The following EXOC4 variants were observed in gnomAD, a reference collection of about 807,000 sequenced individuals.
The protein encoded by EXOC4 is exocyst complex component 4.
A neutral mutation model predicts 107.2 loss-of-function variants in EXOC4; 71 were observed. The ratio of observed to expected loss-of-function variants is 0.66; its 90% confidence interval spans 0.55 to 0.81. The LOEUF (loss-of-function observed/expected upper bound fraction) is 0.81, where lower values mean the gene tolerates loss of function less well. Ranked by LOEUF, EXOC4 falls within the 30% of genes least tolerant of loss-of-function variation. EXOC4 has a pLI of 0.00. For synonymous variants in EXOC4, 456 were observed against 441.2 expected, an observed-to-expected ratio of 1.03 and a Z score of -0.42; for missense variants, 1,108 against 1,189.6, an observed-to-expected ratio of 0.93 and a Z score of 1.01.
chr7:133,492,744 C>A (rs1243940038), intron 9 of EXOC4, among the ~76,000 whole-genome samples: 2 of 151,808 alleles, frequency 1.3e-5, no homozygotes, highest in Admixed American at 1.3e-4. Context: ...CTTGATGTAC[C>A]CTGTATTTTT....
intron 11 of EXOC4, among the ~76,000 whole-genome samples, chr7:133,829,994 C>A (rs1217094312): frequency 1.3e-5 from 2 of 151,766 alleles, no homozygotes; most frequent in African/African-American, 4.8e-5. Flanking sequence ...CCTTTTTTCC[C>A]CTTTATAGTT....
chr7:133,397,298 T>TC (rs1225225528), intron 7 of EXOC4, among the ~76,000 whole-genome samples: 1 of 150,576 alleles, frequency 6.6e-6, no homozygotes, highest in African/African-American at 2.4e-5. Flanking sequence ...CAAATTTTTT[T>TC]TTTTTTTGTA....
At chr7:133,258,766 C>T (rs925357376) in intron 1 of EXOC4, among the ~76,000 whole-genome samples, 4 of 152,014 alleles carry the variant, frequency 2.6e-5, no homozygotes, top group African/African-American at 9.7e-5. Flanking sequence ...TCTTTGTAAC[C>T]AGGAAATCTT....
chr7:134,048,663 C>T (rs1795712266), intron 17 of EXOC4, among the ~76,000 whole-genome samples: 1 of 152,280 alleles, frequency 6.6e-6, no homozygotes, highest in South Asian at 2.1e-4. Flanking sequence ...CAGCCACCGG[C>T]CTCATCTCAG....
chr7:134,024,463 G>T (rs988927364), intron 17 of EXOC4, among the ~76,000 whole-genome samples: 4 of 146,252 alleles, frequency 2.7e-5, no homozygotes, highest in South Asian at 2.2e-4. Flanking sequence ...AAAAAAAAAA[G>T]AAGCTAGTAT....
intron 10 of EXOC4, among the ~76,000 whole-genome samples, chr7:133,804,017 G>A (rs1445022212): frequency 3.9e-5 from 6 of 152,014 alleles, no homozygotes; most frequent in Non-Finnish European, 8.8e-5. Context: ...TTGTTATGTC[G>A]AAATCCTGAT....
intron 9 of EXOC4, among the ~76,000 whole-genome samples, chr7:133,629,624 T>C (rs1303603923): frequency 6.6e-6 from 1 of 152,072 alleles, no homozygotes; most frequent in Non-Finnish European, 1.5e-5. Context: ...CACTGCAGCC[T>C]GCACCTCCCA....
intron 12 of EXOC4, among the ~76,000 whole-genome samples, chr7:133,900,226 T>C (rs1223131719): frequency 6.6e-6 from 1 of 152,102 alleles, no homozygotes; most frequent in Non-Finnish European, 1.5e-5. Flanking sequence ...TGGTGAAGAA[T>C]AGAAAGGGAA....
chr7:133,509,627 C>G (rs190480858), intron 9 of EXOC4, among the ~76,000 whole-genome samples: 5 of 152,228 alleles, frequency 3.3e-5, no homozygotes, highest in South Asian at 2.1e-4. Context: ...CAGGAAGGAG[C>G]CTTGATGCCA....
chr7:133,425,295 T>C (rs1214093921), intron 7 of EXOC4, among the ~76,000 whole-genome samples: 5 of 152,144 alleles, frequency 3.3e-5, no homozygotes, highest in African/African-American at 4.8e-5. Context: ...ACTTTTTTTG[T>C]TCGTTTGTTT....
intron 9 of EXOC4, among the ~76,000 whole-genome samples, chr7:133,502,993 A>G (rs1386931914): frequency 3.9e-5 from 6 of 152,178 alleles, no homozygotes; most frequent in African/African-American, 1.4e-4. Flanking sequence ...ATTTGCATGT[A>G]TGATGAATTG....
At chr7:133,511,296 A>G (rs1799764001) in intron 9 of EXOC4, among the ~76,000 whole-genome samples, 1 of 152,210 alleles carries the variant, frequency 6.6e-6, no homozygotes, top group Admixed American at 6.5e-5. Context: ...AACAAAGGGT[A>G]CTAAATTGTT....
chr7:133,605,855 G>T (rs762746463), intron 9 of EXOC4, among the ~76,000 whole-genome samples: 68 of 152,122 alleles, frequency 4.5e-4, no homozygotes, highest in Non-Finnish European at 7.5e-4. Context: ...GGAGGTTCGG[G>T]AGTTGAGCCT....
chr7:133,789,778 A>G (rs1796666481), intron 10 of EXOC4, among the ~76,000 whole-genome samples: 2 of 152,220 alleles, frequency 1.3e-5, no homozygotes, highest in African/African-American at 2.4e-5. Flanking sequence ...GTTCAATTTC[A>G]GTTTCTAAGA....
chr7:133,445,645 A>AAC (rs1403728046), intron 7 of EXOC4, among the ~76,000 whole-genome samples: 1 of 151,792 alleles, frequency 6.6e-6, no homozygotes, highest in Non-Finnish European at 1.5e-5. Flanking sequence ...CAAACAAACA[A>AAC]ATAAATCAAC....
chr7:133,332,415 G>A (rs1795415627), intron 5 of EXOC4, among the ~76,000 whole-genome samples: 2 of 152,090 alleles, frequency 1.3e-5, no homozygotes, highest in Admixed American at 1.3e-4. Context: ...CAGATCACGA[G>A]GTCAGGAGAT....
chr7:133,949,168 G>A (rs143699896), intron 14 of EXOC4, among the ~76,000 whole-genome samples: 148 of 152,298 alleles, frequency 9.7e-4, no homozygotes, highest in Admixed American at 1.4e-3. Flanking sequence ...TGGTAGTCAT[G>A]CATTCAGGGA....
chr7:133,928,853 G>A (rs916266064), intron 13 of EXOC4, among the ~76,000 whole-genome samples: 1 of 148,310 alleles, frequency 6.7e-6, no homozygotes, highest in Non-Finnish European at 1.5e-5. Flanking sequence ...ACATCAACAA[G>A]TAGCCGTTTC....
At chr7:133,775,574 C>G (rs1020157767) in intron 10 of EXOC4, among the ~76,000 whole-genome samples, 1 of 152,192 alleles carries the variant, frequency 6.6e-6, no homozygotes, top group South Asian at 2.1e-4. Flanking sequence ...ATGTCTATAA[C>G]TATACTAAGG....
Sources: gnomAD v4.1 joint callset for allele counts (sites outside exome capture counted in the v4.1 genomes callset) on GRCh38, gnomAD v4.1.1 for gene constraint, MANE v1.5 for transcripts, NCBI Gene and HGNC (gene_info 2026-07-23, HGNC 2026-07-21) for gene names.